The following HYDIN variants were observed in gnomAD, a reference collection of about 807,000 sequenced individuals.
The protein encoded by HYDIN is axonemal central pair apparatus protein HYDIN.
In HYDIN, 132 loss-of-function variants were observed where a neutral mutation model predicts 403.9. That is an observed-to-expected ratio of 0.33 (90% CI 0.28 to 0.38). The LOEUF (loss-of-function observed/expected upper bound fraction) is 0.38. HYDIN is among the 10% of genes least tolerant of loss of function. The pLI is 1.00. For synonymous variants in HYDIN, 1,202 were observed against 1,891.7 expected, an observed-to-expected ratio of 0.64 and a Z score of 9.46; for missense variants, 2,827 against 5,009.5, an observed-to-expected ratio of 0.56 and a Z score of 13.15.
At chr16:70,810,386 T>A (rs1030881112) in intron 84 of HYDIN, among the ~76,000 whole-genome samples, 2 of 152,214 alleles carry the variant, frequency 1.3e-5, no homozygotes, top group African/African-American at 4.8e-5. Flanking sequence ...CATCCTCCAT[T>A]ATTACCCATG....
chr16:70,961,515 T>C (rs374076719), intron 38 of HYDIN, among the ~76,000 whole-genome samples: 25 of 151,466 alleles, frequency 1.7e-4, no homozygotes, highest in African/African-American at 5.9e-4. Context: ...TTTCTGAATA[T>C]GGTTCCAACA....
In HYDIN at chr16:70,955,470, G is replaced by A; in HGVS notation, c.6221C>T (p.Ala2074Val). 1 of 1,613,006 alleles carries A rather than the reference G, an allele frequency of 6.2e-7. No homozygotes were observed. The highest frequency in any genetic ancestry group is 8.5e-7 in the Non-Finnish European group (1 of 1,179,064). Reference protein sequence around the residue: ...CLSIDSIVLEAVANSNNIPGI... With the variant: ...CLSIDSIVLEVVANSNNIPGI... ...TGGGATGTTGTTGCTGTTGGCCACAGCTTCCAGCACAATGGAGTCGATGCT... is the reference window on the plus strand; with the variant it reads ...TGGGATGTTGTTGCTGTTGGCCACAACTTCCAGCACAATGGAGTCGATGCT... Residue 2074 changes from alanine to valine, a missense_variant, in exon 40 of 86, where the codon GCT (alanine) becomes GTT (valine). Ala to Val is a moderately conservative substitution (Grantham distance 64, BLOSUM62 0). Transcript: ENST00000393567.
chr16:70,928,328 C>T (rs1261849767), intron 45 of HYDIN, among the ~76,000 whole-genome samples: 4 of 152,212 alleles, frequency 2.6e-5, no homozygotes, highest in South Asian at 2.1e-4. Context: ...TGGTGGTGCA[C>T]GCCTGCAGTC....
chr16:70,815,772 TA>T (rs143534816), intron 84 of HYDIN, among the ~76,000 whole-genome samples: 109 of 119,086 alleles, frequency 9.2e-4, no homozygotes, highest in Non-Finnish European at 7.9e-4. Flanking sequence ...TCTTAACTGA[TA>T]AAAAAAAAAA....
rs7192825 is a variant in HYDIN at position 71,059,016 on chromosome 16, T to C, written c.2529+1488A>G. 7.7e-3 allele frequency among the ~76,000 whole-genome samples: 1,171 copies of C among 152,368 alleles called. 11 individuals carry two copies. The highest frequency in any genetic ancestry group is 0.027 in the African/African-American group (1,118 of 41,580). ...ATTGTAAGATACAGTATGTGATACA[T>C]ATAACATAGAAAATATGCGTTAATC... On this transcript the variant is annotated intron_variant, in intron 18 of 85. Transcript: ENST00000393567.
intron 9 of HYDIN, among the ~76,000 whole-genome samples, chr16:71,124,636 T>C: frequency 6.6e-6 from 1 of 151,896 alleles, no homozygotes; most frequent in Non-Finnish European, 1.5e-5. Context: ...TTCCAGACCT[T>C]GAGGTAATAG....
chr16:71,141,424 A>G (rs2085168397), intron 7 of HYDIN, among the ~76,000 whole-genome samples: 1 of 152,066 alleles, frequency 6.6e-6, no homozygotes. Context: ...AAAGTTTCCT[A>G]TGACTCAAAA....
chr16:70,956,517 G>T (rs561031698), intron 39 of HYDIN, among the ~76,000 whole-genome samples: 211 of 152,286 alleles, frequency 1.4e-3, no homozygotes, highest in Middle Eastern at 3.4e-3. Context: ...TTGATATGGG[G>T]GGTTAGCCTG....
chr16:71,121,915 A>G (rs1017769591), intron 9 of HYDIN, among the ~76,000 whole-genome samples: 2 of 151,964 alleles, frequency 1.3e-5, no homozygotes, highest in Admixed American at 1.3e-4. Context: ...GAAAAGTTCA[A>G]ATTGACACAT....
At chr16:71,207,742 T>C (rs183210431) in intron 1 of HYDIN, among the ~76,000 whole-genome samples, 3 of 149,992 alleles carry the variant, frequency 2.0e-5, no homozygotes, top group Admixed American at 6.6e-5. Context: ...ACTAAGCAAA[T>C]AGAAACAAAA....
intron 18 of HYDIN, among the ~76,000 whole-genome samples, chr16:71,040,454 T>G (rs917048204): frequency 1.3e-5 from 2 of 148,190 alleles, no homozygotes; most frequent in Non-Finnish European, 3.0e-5. Flanking sequence ...AGGAACCCCT[T>G]CATCAAAAAA....
chr16:71,222,192 C>A (rs2040834700), intron 1 of HYDIN, among the ~76,000 whole-genome samples: 1 of 151,916 alleles, frequency 6.6e-6, no homozygotes, highest in Non-Finnish European at 1.5e-5. Context: ...ATACACAAGT[C>A]AATAAATGTG....
In HYDIN at chr16:70,951,446, C is replaced by A. The variant is rs182706684; in HGVS notation, c.6531+975G>T. 1.3e-3 allele frequency among the ~76,000 whole-genome samples: 203 copies of A among 152,298 alleles called. No individual in the cohort carries two copies. In the Middle Eastern group the frequency reaches 0.017, roughly 13 times the overall value. On this transcript the variant is annotated intron_variant, in intron 41 of 85. Transcript: ENST00000393567. ...CACTCCCCTCGAGCATGCTCTGCAG[C>A]CCAAGCCTCCTCGTTGCTTCCCTCA...
chr16:71,073,302 T>C (rs1434598788), intron 13 of HYDIN, among the ~76,000 whole-genome samples: 5 of 152,176 alleles, frequency 3.3e-5, no homozygotes, highest in African/African-American at 1.2e-4. Context: ...ATACACCCTG[T>C]GATGTCTCCC....
chr16:71,135,866 CT>C (rs2084899278), intron 8 of HYDIN, among the ~76,000 whole-genome samples: 1 of 145,942 alleles, frequency 6.9e-6, no homozygotes, highest in South Asian at 2.3e-4. Context: ...GACAAAGCTT[CT>C]GGCCCACTGT....
At chr16:71,168,132 A>C (rs1031800626) in intron 5 of HYDIN, among the ~76,000 whole-genome samples, 11 of 151,524 alleles carry the variant, frequency 7.3e-5, no homozygotes, top group African/African-American at 1.9e-4. Flanking sequence ...AGCCTGGCCA[A>C]CATAGTGAAA....
chr16:71,037,813 C>T (rs1056056693), intron 18 of HYDIN, among the ~76,000 whole-genome samples: 8 of 152,340 alleles, frequency 5.3e-5, no homozygotes, highest in East Asian at 1.9e-4. Flanking sequence ...GAATGCAGCT[C>T]GGCTAACCTT....
chr16:71,083,728 T>G (rs2082852218), intron 12 of HYDIN, among the ~76,000 whole-genome samples: 1 of 152,164 alleles, frequency 6.6e-6, no homozygotes, highest in African/African-American at 2.4e-5. Flanking sequence ...CCTGCCACTT[T>G]GCGTAGTGTG....
intron 1 of HYDIN, among the ~76,000 whole-genome samples, chr16:71,189,844 C>T (rs914041109): frequency 4.0e-5 from 6 of 151,446 alleles, no homozygotes; most frequent in South Asian, 2.1e-4. Context: ...AGAGAAGAGC[C>T]GAGAAATCTT....
Sources: gnomAD v4.1 joint callset for allele counts (sites outside exome capture counted in the v4.1 genomes callset) on GRCh38, gnomAD v4.1.1 for gene constraint, MANE v1.5 for transcripts, NCBI Gene and HGNC (gene_info 2026-07-23, HGNC 2026-07-21) for gene names.